The following SLC17A1 variants were observed in gnomAD, a reference collection of about 807,000 sequenced individuals.
SLC17A1 encodes the protein solute carrier family 17 member 1.
A neutral mutation model predicts 53.5 loss-of-function variants in SLC17A1; 51 were observed. The observed-to-expected ratio is 0.95, with a 90% confidence interval of 0.76 to 1.20. SLC17A1 has a LOEUF of 1.20. SLC17A1 is among the 50% of genes most tolerant of loss of function. The pLI, the probability that SLC17A1 is intolerant of heterozygous loss-of-function variation, is 0.00. For missense variants in SLC17A1, 538 were observed against 568.2 expected, an observed-to-expected ratio of 0.95 and a Z score of 0.54; for synonymous variants, 179 against 198.8, an observed-to-expected ratio of 0.90 and a Z score of 0.84.
At chr6:25,731,627 A>G in the SLC17A1 span, among the ~76,000 whole-genome samples, 3 of 152,244 alleles carry the variant, frequency 2.0e-5, no homozygotes, top group African/African-American at 7.2e-5. Context: ...AGACTTAAAG[A>G]TAACCATGTT....
the SLC17A1 span, chr6:25,769,054 A>T: frequency 1.4e-5 from 22 of 1,613,958 alleles, no homozygotes; most frequent in Non-Finnish European, 1.9e-5. Context: ...TACACCCAAC[A>T]AATGAACTTG....
the SLC17A1 span, among the ~76,000 whole-genome samples, chr6:25,762,418 C>T: frequency 0.32 from 48,377 of 151,978 alleles, 9,494 homozygotes; most frequent in South Asian, 0.45. Context: ...GACCTGACCC[C>T]GAACCCCAAA....
chr6:25,776,234 T>C, the SLC17A1 span, among the ~76,000 whole-genome samples: 1 of 152,188 alleles, frequency 6.6e-6, no homozygotes, highest in Admixed American at 6.5e-5. Context: ...TCATTATGAG[T>C]AAAGTTGGAT....
At chr6:25,798,940 G>A in intron 11 of SLC17A1, 21 bp from the exon 12 acceptor site, 2 of 1,526,020 alleles carry the variant, frequency 1.3e-6, no homozygotes, top group South Asian at 1.3e-5. Flanking sequence ...AAAATTCAAA[G>A]TAATTGTAAA....
chr6:25,807,900 C>T (rs1311419969), intron 10 of SLC17A1, among the ~76,000 whole-genome samples: 1 of 152,040 alleles, frequency 6.6e-6, no homozygotes, highest in Non-Finnish European at 1.5e-5. Context: ...CATATTTTTG[C>T]AATTGCGAAT....
the SLC17A1 span, among the ~76,000 whole-genome samples, chr6:25,758,243 A>G: frequency 1.3e-5 from 2 of 152,182 alleles, no homozygotes; most frequent in Admixed American, 1.3e-4. Context: ...ATTTGACTTG[A>G]AGTGACGGGG....
At chr6:25,787,678 A>G (rs1763414260) in intron 12 of SLC17A1, among the ~76,000 whole-genome samples, 1 of 152,170 alleles carries the variant, frequency 6.6e-6, no homozygotes, top group Admixed American at 6.5e-5. Context: ...TGAAACGTTA[A>G]GTTTTCTATT....
the SLC17A1 span, among the ~76,000 whole-genome samples, chr6:25,739,816 T>C: frequency 2.6e-5 from 4 of 152,176 alleles, no homozygotes; most frequent in African/African-American, 9.7e-5. Flanking sequence ...GAGGTGTGGT[T>C]ATTAAGGTGT....
At chr6:25,785,287 A>G (rs1763357441) in intron 12 of SLC17A1, among the ~76,000 whole-genome samples, 1 of 152,152 alleles carries the variant, frequency 6.6e-6, no homozygotes, top group South Asian at 2.1e-4. Context: ...ACAAAATACT[A>G]TTACCTCACA....
At chr6:25,799,136 G>T (rs1763676506) in intron 11 of SLC17A1, among the ~76,000 whole-genome samples, 1 of 151,910 alleles carries the variant, frequency 6.6e-6, no homozygotes, top group Non-Finnish European at 1.5e-5. Context: ...ATTTTCATCA[G>T]ATATTAAGTT....
In SLC17A1 at chr6:25,819,800, T is replaced by C; in HGVS notation, c.323A>G (p.Lys108Arg). Reference sequence around the variant, plus strand: ...GCATAATGCAAAGCCAATCATTTTCTTTGTAGAATATATTCCAGAGAAGTA... The same window carrying C: ...GCATAATGCAAAGCCAATCATTTTCCTTGTAGAATATATTCCAGAGAAGTA... Reference protein sequence around the residue: ...VGYFSGIYSTKKMIGFALCLS... With the variant: ...VGYFSGIYSTRKMIGFALCLS... Residue 108 changes from lysine to arginine, a missense_variant, in exon 4 of 13, where the codon AAG becomes AGG. By Grantham distance (26) the Lys-to-Arg change is conservative. Transcript: ENST00000244527. 7 of 1,614,194 alleles carry C rather than the reference T, an allele frequency of 4.3e-6. No homozygotes were observed. Among genetic ancestry groups the C allele is most frequent in the Non-Finnish European group, 5.9e-6 (7 of 1,180,000 alleles).
At chr6:25,758,355 C>T in the SLC17A1 span, among the ~76,000 whole-genome samples, 3 of 152,202 alleles carry the variant, frequency 2.0e-5, no homozygotes, top group South Asian at 4.1e-4. Flanking sequence ...TCTCAGCCTA[C>T]CTGTGTCCCT....
chr6:25,781,710 A>T (rs9348696), downstream of SLC17A1, among the ~76,000 whole-genome samples: 33 of 151,900 alleles, frequency 2.2e-4, no homozygotes, highest in East Asian at 6.5e-3. Context: ...AGGAGGTGCC[A>T]GGTTTTTTTA....
At chr6:25,813,360 C>T (rs1304589798) in intron 6 of SLC17A1, 147 bp from the exon 7 acceptor site, 1 of 678,356 alleles carries the variant, frequency 1.5e-6, no homozygotes, top group South Asian at 1.8e-5. Flanking sequence ...GTTTTTCAGT[C>T]CTCCTTTTAT....
intron 10 of SLC17A1, among the ~76,000 whole-genome samples, chr6:25,804,104 T>C (rs1194901781): frequency 6.6e-6 from 1 of 152,138 alleles, no homozygotes; most frequent in Non-Finnish European, 1.5e-5. Flanking sequence ...TATCATTAAT[T>C]AATGATTATA....
At chr6:25,773,479 G>A in the SLC17A1 span, 8 of 1,613,028 alleles carry the variant, frequency 5.0e-6, no homozygotes, top group African/African-American at 4.0e-5. Flanking sequence ...GCTGCCTTCT[G>A]ACGGAGGGGA....
chr6:25,778,957 CG>C (rs558126929), downstream of SLC17A1: 461 of 1,500,802 alleles, frequency 3.1e-4, 1 homozygote, highest in African/African-American at 5.8e-3. Flanking sequence ...GAGTGGAGGT[CG>C]GGGAGGGAGC....
the SLC17A1 span, chr6:25,732,460 A>C: frequency 3.3e-6 from 1 of 300,306 alleles, no homozygotes; most frequent in Non-Finnish European, 6.4e-6. Context: ...TAGACTAGGG[A>C]AACTCGGGGG....
chr6:25,777,783 C>A, the SLC17A1 span: 1 of 641,256 alleles, frequency 1.6e-6, no homozygotes, highest in Non-Finnish European at 2.8e-6. Flanking sequence ...CCAGTCATCT[C>A]CAGAGGTAAG....
Sources: allele counts gnomAD v4.1 joint callset (sites outside exome capture counted in the v4.1 genomes callset), GRCh38; gene constraint gnomAD v4.1.1; transcripts MANE v1.5; gene names NCBI Gene and HGNC (gene_info 2026-07-23, HGNC 2026-07-21).